The following PTPRD variants were observed in gnomAD, a reference collection of about 807,000 sequenced individuals.
PTPRD encodes protein tyrosine phosphatase receptor type D, also known as receptor-type tyrosine-protein phosphatase delta.
Under a neutral mutation model 214.5 loss-of-function variants are expected in PTPRD, and 34 were observed. The observed-to-expected ratio is 0.16, with a 90% CI of 0.12 to 0.21. The LOEUF is 0.21. PTPRD is among the 10% of genes least tolerant of loss of function. The pLI, the probability that PTPRD is intolerant of heterozygous loss-of-function variation, is 1.00. For missense variants in PTPRD, 2,545 were observed against 2,398.7 expected (o/e 1.06, Z -1.27); for synonymous variants, 1,128 against 845.7 (o/e 1.33, Z -5.79).
At chr9:10,538,522 T>C (rs1352756268) in intron 2 of PTPRD, among the ~76,000 whole-genome samples, 1 of 152,118 alleles carries the variant, frequency 6.6e-6, no homozygotes, top group African/African-American at 2.4e-5. Flanking sequence ...ATACAATCTT[T>C]ATACAATTTC....
intron 14 of PTPRD, among the ~76,000 whole-genome samples, chr9:8,559,611 C>G (rs1026374359): frequency 1.3e-5 from 2 of 152,174 alleles, no homozygotes; most frequent in African/African-American, 4.8e-5. Flanking sequence ...AGATTCACTC[C>G]TTTTCTGCAC....
chr9:10,227,300 A>C (rs1031378365), intron 3 of PTPRD, among the ~76,000 whole-genome samples: 2 of 152,052 alleles, frequency 1.3e-5, no homozygotes, highest in African/African-American at 2.4e-5. Flanking sequence ...ACTTCTACAA[A>C]GCCATTAAAA....
intron 14 of PTPRD, among the ~76,000 whole-genome samples, chr9:8,543,544 T>C (rs1375100337): frequency 6.6e-6 from 1 of 152,216 alleles, no homozygotes; most frequent in East Asian, 1.9e-4. Flanking sequence ...TTTAAGTGTT[T>C]GTTGTTAATA....
intron 3 of PTPRD, among the ~76,000 whole-genome samples, chr9:10,243,521 G>T (rs988048794): frequency 6.6e-5 from 10 of 151,716 alleles, no homozygotes; most frequent in African/African-American, 2.2e-4. Context: ...CAATTGCATA[G>T]GTCCTCTTAA....
At chr9:9,257,540 C>T (rs1046691824) in intron 9 of PTPRD, among the ~76,000 whole-genome samples, 3 of 151,876 alleles carry the variant, frequency 2.0e-5, no homozygotes, top group Admixed American at 6.6e-5. Flanking sequence ...GTCTATGATT[C>T]CAGCACTTTG....
At chr9:9,529,336 CAAAAT>C (rs1047737577) in intron 8 of PTPRD, among the ~76,000 whole-genome samples, 10 of 141,716 alleles carry the variant, frequency 7.1e-5, no homozygotes, top group Non-Finnish European at 1.6e-4. Flanking sequence ...AGACTAGTAA[CAAAAT>C]AAAAGGCAAG....
intron 10 of PTPRD, among the ~76,000 whole-genome samples, chr9:9,070,819 T>C (rs1405897724): frequency 6.6e-6 from 1 of 152,228 alleles, no homozygotes; most frequent in Non-Finnish European, 1.5e-5. Flanking sequence ...GCAGTGTGTC[T>C]AGTTTAAGTA....
intron 39 of PTPRD, among the ~76,000 whole-genome samples, chr9:8,345,364 G>A (rs181375988): frequency 6.6e-6 from 1 of 152,174 alleles, no homozygotes; most frequent in African/African-American, 2.4e-5. Flanking sequence ...TTAGCACCCT[G>A]TTCCCAGCAC....
At position 8,324,299 on chromosome 9, in the gene PTPRD, G is replaced by A. The variant is rs112544367; in HGVS notation, c.5535-4333C>T. Among the ~76,000 whole-genome samples the A allele has an allele frequency of 3.1e-3, 468 of 152,052 alleles. 2 individuals are homozygous for A. Among genetic ancestry groups the A allele is most frequent in the African/African-American group, 0.01 (427 of 41,462 alleles). ...TGGTGTGTGATGTTCGCTTCCCTGC[G>A]TCCACGTGTTCTCACTATTCCACTC... is the stretch of plus-strand genomic sequence containing the variant. On this transcript the variant is annotated intron_variant, in intron 44 of 45. Coordinates refer to ENST00000381196, the MANE Select transcript of PTPRD (RefSeq NM_002839.4).
At chr9:10,387,785 G>C (rs1416843602) in intron 2 of PTPRD, among the ~76,000 whole-genome samples, 1 of 119,184 alleles carries the variant, frequency 8.4e-6, no homozygotes, top group Non-Finnish European at 1.7e-5. Flanking sequence ...ACTGATACCT[G>C]TTGAATACGA....
chr9:9,272,118 G>A (rs2132871161), intron 9 of PTPRD, among the ~76,000 whole-genome samples: 1 of 151,070 alleles, frequency 6.6e-6, no homozygotes, highest in African/African-American at 2.4e-5. Context: ...AGAATTAAAA[G>A]TTGGTCACAA....
intron 3 of PTPRD, among the ~76,000 whole-genome samples, chr9:10,266,948 T>A (rs952010109): frequency 6.6e-6 from 1 of 151,870 alleles, no homozygotes; most frequent in African/African-American, 2.4e-5. Flanking sequence ...CCCAGCACTT[T>A]GGGAGGCCGA....
intron 3 of PTPRD, among the ~76,000 whole-genome samples, chr9:10,329,424 T>G (rs1487512274): frequency 1.3e-5 from 2 of 151,868 alleles, no homozygotes; most frequent in East Asian, 3.9e-4. Flanking sequence ...TTTAAAAAGT[T>G]ATTGTATGTT....
intron 3 of PTPRD, among the ~76,000 whole-genome samples, chr9:10,208,676 G>A (rs2099498817): frequency 6.6e-6 from 1 of 152,130 alleles, no homozygotes; most frequent in Non-Finnish European, 1.5e-5. Flanking sequence ...TAACAAACAT[G>A]CCCTGAATTT....
At chr9:10,267,998 C>T (rs1564898043) in intron 3 of PTPRD, among the ~76,000 whole-genome samples, 1 of 151,898 alleles carries the variant, frequency 6.6e-6, no homozygotes, top group Non-Finnish European at 1.5e-5. Flanking sequence ...TAGTGATTAA[C>T]AGCCAGGTGT....
At chr9:9,764,561 TAAG>T (rs2098690952) in intron 6 of PTPRD, among the ~76,000 whole-genome samples, 1 of 152,178 alleles carries the variant, frequency 6.6e-6, no homozygotes, top group African/African-American at 2.4e-5. Context: ...AGATTATTAT[TAAG>T]AAGTTTAAAA....
chr9:9,789,203 G>A (rs563094694), intron 5 of PTPRD, among the ~76,000 whole-genome samples: 31 of 152,160 alleles, frequency 2.0e-4, no homozygotes, highest in Non-Finnish European at 3.7e-4. Context: ...ATGTTAAAAC[G>A]TTTCAGAAAC....
chr9:9,996,069 C>T (rs957137276), intron 4 of PTPRD, among the ~76,000 whole-genome samples: 3 of 152,006 alleles, frequency 2.0e-5, no homozygotes, highest in Non-Finnish European at 4.4e-5. Flanking sequence ...AGATATTTCC[C>T]TTTCCTTCAT....
At chr9:10,159,815 G>A (rs2099116470) in intron 3 of PTPRD, among the ~76,000 whole-genome samples, 1 of 151,326 alleles carries the variant, frequency 6.6e-6, no homozygotes, top group Non-Finnish European at 1.5e-5. Context: ...CAGCTAGAGG[G>A]AAAAAAAAGA....
Sources: allele counts gnomAD v4.1 joint callset (sites outside exome capture counted in the v4.1 genomes callset), GRCh38; gene constraint gnomAD v4.1.1; transcripts MANE v1.5; gene names NCBI Gene and HGNC (gene_info 2026-07-23, HGNC 2026-07-21).